TNXB: variants seen among roughly 807,000 people sequenced by gnomAD.
TNXB encodes tenascin XB.
In TNXB, 183 loss-of-function variants were observed where a neutral mutation model predicts 340.5. That is an observed-to-expected ratio of 0.54 (90% CI 0.48 to 0.61). The LOEUF is 0.61. TNXB is among the 20% of genes least tolerant of loss of function. TNXB has a pLI of 0.00. For missense variants in TNXB, 4,613 were observed against 5,446.4 expected, an observed-to-expected ratio of 0.85 and a Z score of 4.82; for synonymous variants, 2,121 against 2,314.5, an observed-to-expected ratio of 0.92 and a Z score of 2.40.
rs1314029958 is a variant in TNXB, at chr6:32,087,358, C to T, written c.2780-1240G>A. 6.3e-6 allele frequency: 3 copies of T among 478,542 alleles called. No individual in the cohort carries two copies. The Admixed American group carries it at 6.6e-5, about 11-fold the overall frequency. The allele number at this position is 478,542 out of a possible 1,614,324, so 29.6% of individuals were successfully genotyped here. ...CCTGAGGTCGGGCAGGCTGACGGTG[C>T]GCGTGGTGCCCGGCACAGTCAGCTC... On this transcript the variant is annotated intron_variant, in intron 6 of 43. Coordinates refer to ENST00000644971, the MANE Select transcript of TNXB (RefSeq NM_001365276.2). This position sits in a 1 kb window ranked among gnomAD's most constrained non-coding sequence, Gnocchi z 9.0.
chr6:32,104,430 A>G (rs1780877250), intron 1 of TNXB, among the ~76,000 whole-genome samples: 1 of 152,070 alleles, frequency 6.6e-6, no homozygotes, highest in Non-Finnish European at 1.5e-5. Context: ...AGAATTCCCC[A>G]TTGAAGCTCA....
At chr6:32,098,657 T>TTAC (rs1780555898) in intron 1 of TNXB, among the ~76,000 whole-genome samples, 2 of 152,102 alleles carry the variant, frequency 1.3e-5, no homozygotes, top group East Asian at 1.9e-4. Context: ...ATTTTGTACT[T>TTAC]TTAGTAGAGA....
At position 32,098,184 on chromosome 6, in the gene TNXB, C is replaced by T. The variant is rs1278967110; in HGVS notation, c.15G>A (p.Gln5=). The change falls in exon 2 of 44, where the codon CAG becomes CAA. Residue 5 remains glutamine, a synonymous_variant. Transcript: ENST00000644971. ...GAACCAGGCTGGAGGTTAGAGCATA[C>T]TGGGCTGGCATCATTCAGGAGGCTG... MMPA[Q]YALTSSLVLL... is the part of the protein sequence containing the mutation. 1 of 1,533,826 alleles carries T rather than the reference C, an allele frequency of 6.5e-7. No homozygotes were observed. The highest frequency in any genetic ancestry group is 8.8e-7 in the Non-Finnish European group (1 of 1,137,042).
Position 32,049,849 on chromosome 6 carries a change from T to G in TNXB, c.9439+149A>C. On this transcript the variant is annotated intron_variant, in intron 27 of 43. Transcript: ENST00000644971. The surrounding 1 kb of genome is among the most constrained non-coding windows in gnomAD (Gnocchi z 4.5). ...CAGGGGGAGCCAGGGGTCAACCACA[T>G]AGGAAGGCCCAAGGGGAGTCCCAGC... The G allele has an allele frequency of 1.5e-6, 2 of 1,325,372 alleles. No individual in the cohort carries two copies. The highest frequency in any genetic ancestry group is 1.4e-5 in the South Asian group (1 of 70,914). 82.1% of individuals were successfully genotyped at this position (1,325,372 alleles called of 1,614,324 possible).
rs1256968745 is a variant in TNXB at position 32,067,163 on chromosome 6, G to GAAAGAAAGAAAGAAAC, written c.6544+497_6544+498insGTTTCTTTCTTTCTTT. Among the ~76,000 whole-genome samples the GAAAGAAAGAAAGAAAC allele has an allele frequency of 5.3e-5, 8 of 151,660 alleles. No homozygotes were observed. The highest frequency in any genetic ancestry group is 1.9e-4 in the African/African-American group (8 of 41,298). On this transcript the variant is annotated intron_variant, in intron 18 of 43. Coordinates refer to ENST00000644971, the MANE Select transcript of TNXB (RefSeq NM_001365276.2). This position sits in a 1 kb window ranked among gnomAD's most constrained non-coding sequence, Gnocchi z 4.2. ...AGAAAGAAAGAAAGAAAGAAAGAAA[G>GAAAGAAAGAAAGAAAC]AAAGAAAGAAAGAAAGAAAGAAAAC...
In TNXB at chr6:32,083,129, G is replaced by A. The variant is rs529282410; in HGVS notation, c.3446-803C>T. Among the ~76,000 whole-genome samples, 2 of 152,238 alleles carry A rather than the reference G, an allele frequency of 1.3e-5. No individual in the cohort carries two copies. The highest frequency in any genetic ancestry group is 2.1e-4 in the South Asian group (1 of 4,818). ...CATTGCTAAATTCTGTGGACGCTCC[G>A]TAGCCCTTGAATCACTGTTCCGGAA... On this transcript the variant is annotated intron_variant, in intron 8 of 43. Coordinates refer to ENST00000644971, the MANE Select transcript of TNXB (RefSeq NM_001365276.2). This position sits in a 1 kb window ranked among gnomAD's most constrained non-coding sequence, Gnocchi z 4.6.
chr6:32,065,228 T>C, intron 18 of TNXB, 111 bp from the exon 19 acceptor site: 1 of 997,518 alleles, frequency 1.0e-6, no homozygotes, highest in Non-Finnish European at 1.4e-6. Context: ...TAACTTAAGA[T>C]CGATTTCTGA....
chr6:32,054,392 G>A (rs957750444), intron 24 of TNXB, among the ~76,000 whole-genome samples: 1 of 152,188 alleles, frequency 6.6e-6, no homozygotes, highest in African/African-American at 2.4e-5. Flanking sequence ...CCCCAGGCCT[G>A]GTGAGTGGTC....
Position 32,049,168 on chromosome 6 carries a change from G to A in TNXB, c.9757+102C>T. On this transcript the variant is annotated intron_variant, in intron 28 of 43. Transcript: ENST00000644971. The surrounding 1 kb of genome is among the most constrained non-coding windows in gnomAD (Gnocchi z 4.5). ...CATTAGCAACATGGGAGAAAAGACA[G>A]AAACCTAGAGGCCCAGTCAAAAGAG... 7.0e-7 allele frequency: 1 copy of A among 1,424,624 alleles called. No individual in the cohort carries two copies. Among genetic ancestry groups the A allele is most frequent in the Non-Finnish European group, 9.3e-7 (1 of 1,080,382 alleles). 88.2% of individuals were successfully genotyped at this position (1,424,624 alleles called of 1,614,324 possible).
chr6:32,056,704 C>T lies in TNXB; in HGVS notation c.8025G>A (p.Pro2675=), dbSNP rs757258045. ...GDGQPKAVRV[P]GHEDGVTISG... ...AGATGGTGACCCCGTCCTCGTGCCC[C>T]GGCACCCGCACCGCCTTGGGCTGCC... The change falls in exon 23 of 44, where the codon CCG becomes CCA. Residue 2675 remains proline, a synonymous_variant. Coordinates refer to ENST00000644971, the MANE Select transcript of TNXB (RefSeq NM_001365276.2). 8.1e-6 allele frequency: 13 copies of T among 1,613,016 alleles called. No homozygotes were observed. The highest frequency in any genetic ancestry group is 6.7e-5 in the African/African-American group (5 of 74,930).
rs1194756098 is a variant in TNXB at position 32,047,814 on chromosome 6, G to A, written c.10244C>T (p.Pro3415Leu). 1.9e-6 allele frequency: 3 copies of A among 1,610,860 alleles called. No homozygotes were observed. Among genetic ancestry groups the A allele is most frequent in the Non-Finnish European group, 2.5e-6 (3 of 1,179,152 alleles). The change falls in exon 30 of 44, where the codon CCC becomes CTC. Residue 3415 changes from proline to leucine, a missense_variant. By Grantham distance (98) the Pro-to-Leu change is moderately conservative (BLOSUM62 -3). This residue lies in a region of TNXB where 4,327 missense variants were observed against 4,859.4 expected (regional missense o/e 0.89). Transcript: ENST00000644971. This position sits in a 1 kb window ranked among gnomAD's most constrained non-coding sequence, Gnocchi z 6.2. Reference sequence around the variant, plus strand: ...GAGCAGGAACCTGTATTTCCTACTGGGCTCCAGGCCCTGGACTGTGACCTC... The same window carrying A: ...GAGCAGGAACCTGTATTTCCTACTGAGCTCCAGGCCCTGGACTGTGACCTC... ...QREVTVQGLE[P>L]SRKYRFLLYG...
intron 24 of TNXB, among the ~76,000 whole-genome samples, chr6:32,055,640 T>C (rs1415136739): frequency 6.6e-6 from 1 of 152,240 alleles, no homozygotes; most frequent in East Asian, 1.9e-4. Context: ...GGCGTGATCA[T>C]GGGCCAGCAG....
chr6:32,071,595 G>C (rs1275917135), intron 13 of TNXB, among the ~76,000 whole-genome samples: 1 of 104,398 alleles, frequency 9.6e-6, no homozygotes, highest in Non-Finnish European at 2.2e-5. Context: ...TTTTTTTTTG[G>C]TCTTTTTTGA....
In TNXB at chr6:32,089,496, T is replaced by C. The variant is rs1286362640; in HGVS notation, c.2359-117A>G. 6 of 1,342,522 alleles carry C rather than the reference T, an allele frequency of 4.5e-6. No individual in the cohort carries two copies. Among genetic ancestry groups the C allele is most frequent in the Admixed American group, 2.4e-5 (1 of 41,632 alleles). The allele number at this position is 1,342,522 out of a possible 1,614,324, so 83.2% of individuals were successfully genotyped here. ...GTGTCAGCATGGTACTGTGTGGAAC[T>C]TGACCCTGTACAAGCTGGGGAGCAA... On this transcript the variant is annotated intron_variant, in intron 4 of 43. Coordinates refer to ENST00000644971, the MANE Select transcript of TNXB (RefSeq NM_001365276.2). This position sits in a 1 kb window ranked among gnomAD's most constrained non-coding sequence, Gnocchi z 6.2.
In TNXB at chr6:32,073,929, G is replaced by A. The variant is rs1213244609; in HGVS notation, c.4399C>T (p.Pro1467Ser). The change falls in exon 12 of 44, where the codon CCA becomes TCA. Residue 1467 changes from proline to serine, a missense_variant. Physicochemically the swap from Pro to Ser is moderately conservative, Grantham distance 74 (BLOSUM62 -1). Around this residue, in one of 7 missense-constraint regions of TNXB, gnomAD observed 4,327 missense variants for 4,859.4 expected, o/e 0.89. Transcript: ENST00000644971. The surrounding 1 kb of genome is among the most constrained non-coding windows in gnomAD (Gnocchi z 4.6). ...GGCTCCAGCGGGGACTCAGTGGCTG[G>A]AGGGGTCTCTTCTTGTTGTGGGGCT... ...VTAPQQEETP[P>S]ATESPLEPRL... 21 of 1,601,734 alleles carry A rather than the reference G, an allele frequency of 1.3e-5. No homozygotes were observed. Among genetic ancestry groups the A allele is most frequent in the Non-Finnish European group, 1.8e-5 (21 of 1,173,608 alleles).
At position 32,084,303 on chromosome 6, in the gene TNXB, C is replaced by A. The variant is rs1324114218; in HGVS notation, c.3445+110G>T. 1.1e-5 allele frequency: 12 copies of A among 1,089,440 alleles called. No homozygotes were observed. Among genetic ancestry groups the A allele is most frequent in the Non-Finnish European group, 1.5e-5 (12 of 786,798 alleles). The allele number at this position is 1,089,440 out of a possible 1,614,324, so 67.5% of individuals were successfully genotyped here. A position where few individuals can be genotyped will look rare whatever the true frequency, so the allele number is the denominator to read the frequency against. The stretch of plus-strand genomic sequence containing the variant: ...CTTTCCCTTCAGAATTCAGCTCATG[C>A]ACCACTGCCTCCAGGAAGCCTTCCC... On this transcript the variant is annotated intron_variant, in intron 8 of 43. Transcript: ENST00000644971. This position sits in a 1 kb window ranked among gnomAD's most constrained non-coding sequence, Gnocchi z 5.5.
Position 32,056,734 on chromosome 6 carries a change from C to T in TNXB, c.7995G>A (p.Gly2665=), listed in dbSNP as rs374115665. 4.2e-4 allele frequency: 682 copies of T among 1,613,166 alleles called. 1 individual carries two copies. The highest frequency in any genetic ancestry group is 1.5e-3 in the Middle Eastern group (9 of 6,068). Residue 2665 remains glycine, a synonymous_variant, in exon 23 of 44, where the codon GGG becomes GGA. Transcript: ENST00000644971. ...CCCGCACCGCCTTGGGCTGCCCATC[C>T]CCATTCCTGTACTGGACCAGGAAGT... is the stretch of plus-strand genomic sequence containing the variant. ...FDHFLVQYRN[G]DGQPKAVRVP...
chr6:32,060,319 C>T (rs1206426729), intron 21 of TNXB, among the ~76,000 whole-genome samples: 2 of 148,568 alleles, frequency 1.3e-5, no homozygotes, highest in South Asian at 2.1e-4. Context: ...GCGACAAGAG[C>T]GAAACTTCAT....
intron 1 of TNXB, among the ~76,000 whole-genome samples, chr6:32,101,207 A>AT (rs1174673835): frequency 6.6e-6 from 1 of 152,020 alleles, no homozygotes. Flanking sequence ...GCCAATAAAC[A>AT]TTTTATTTAT....
Sources: gnomAD v4.1 joint callset for allele counts (sites outside exome capture counted in the v4.1 genomes callset) on GRCh38, gnomAD v4.1.1 for gene constraint, gnomAD v4.1.1 regional missense constraint, Gnocchi (gnomAD v3.1) non-coding constraint, MANE v1.5 for transcripts, NCBI Gene and HGNC (gene_info 2026-07-23, HGNC 2026-07-21) for gene names.